KCNT2: variants seen among roughly 807,000 people sequenced by gnomAD.
The protein encoded by KCNT2 is potassium channel subfamily T member 2.
KCNT2 carries 67 observed loss-of-function variants against 153.8 expected under a neutral mutation model. That is an observed-to-expected ratio of 0.44 (90% CI 0.36 to 0.53). KCNT2 has a LOEUF of 0.53. Among genes scored for constraint, KCNT2 ranks in the 20% least tolerant of loss-of-function variants. The pLI, the probability that KCNT2 is intolerant of heterozygous loss-of-function variation, is 0.00. For missense variants in KCNT2, 975 were observed against 1,354.8 expected (o/e 0.72, Z 4.40); for synonymous variants, 500 against 458.8 (o/e 1.09, Z -1.15).
At chr1:196,431,273 G>A (rs1674125444) in intron 8 of KCNT2, among the ~76,000 whole-genome samples, 1 of 152,120 alleles carries the variant, frequency 6.6e-6, no homozygotes, top group African/African-American at 2.4e-5. Flanking sequence ...GAGAAATAGG[G>A]TGTTGCTATA....
intron 1 of KCNT2, among the ~76,000 whole-genome samples, chr1:196,523,970 T>G (rs1340718111): frequency 6.6e-6 from 1 of 152,190 alleles, no homozygotes; most frequent in African/African-American, 2.4e-5. Context: ...CCTCCTTTTT[T>G]CTCTTGCACC....
At chr1:196,596,581 T>C (rs1664110929) in intron 1 of KCNT2, among the ~76,000 whole-genome samples, 1 of 152,144 alleles carries the variant, frequency 6.6e-6, no homozygotes, top group Admixed American at 6.5e-5. Flanking sequence ...GGATTATTTG[T>C]TTTTTAAAAA....
chr1:196,574,830 T>A, intron 1 of KCNT2, among the ~76,000 whole-genome samples: 1 of 151,860 alleles, frequency 6.6e-6, no homozygotes, highest in East Asian at 1.9e-4. Flanking sequence ...ATAAGAAGGG[T>A]TTTTTCTTTT....
At chr1:196,339,277 A>G (rs1206911360) in intron 16 of KCNT2, among the ~76,000 whole-genome samples, 3 of 152,056 alleles carry the variant, frequency 2.0e-5, no homozygotes, top group Non-Finnish European at 2.9e-5. Context: ...TACTGTGAAG[A>G]CAATCATTTT....
At chr1:196,376,617 T>C (rs939726693) in intron 13 of KCNT2, among the ~76,000 whole-genome samples, 5 of 151,986 alleles carry the variant, frequency 3.3e-5, no homozygotes, top group Non-Finnish European at 5.9e-5. Flanking sequence ...TTGGTTTTCA[T>C]GTTTTCCAAC....
Position 196,305,316 on chromosome 1 carries a change from TCTGTGATAA to T in KCNT2, c.2504_2512del (p.Ile835_Glu838delinsLys). ...TCTCATGTTGGCGGGGTGAGTTAGC[TCTGTGATAA>T]TACTGAGACTGGAAAACAACCTACA... On this transcript the variant is annotated inframe_deletion, in exon 22 of 28. Transcript: ENST00000294725. 1 of 1,610,426 alleles carries T rather than the reference TCTGTGATAA, an allele frequency of 6.2e-7. No individual in the cohort carries two copies.
At chr1:196,338,701 T>C (rs939667065) in intron 16 of KCNT2, among the ~76,000 whole-genome samples, 2 of 151,244 alleles carry the variant, frequency 1.3e-5, no homozygotes, top group African/African-American at 4.9e-5. Flanking sequence ...AAGTGTAGAG[T>C]GGCAAGGCTG....
intron 14 of KCNT2, among the ~76,000 whole-genome samples, chr1:196,354,692 A>G (rs1300726274): frequency 6.6e-6 from 1 of 151,766 alleles, no homozygotes; most frequent in Non-Finnish European, 1.5e-5. Flanking sequence ...TTAATTCACT[A>G]TATTGATTGC....
intron 1 of KCNT2, among the ~76,000 whole-genome samples, chr1:196,562,119 A>T (rs1659491328): frequency 6.6e-6 from 1 of 152,004 alleles, no homozygotes; most frequent in African/African-American, 2.4e-5. Context: ...AAAGACCTGG[A>T]AAGGGAATGG....
chr1:196,509,339 T>TA (rs1321803340), intron 1 of KCNT2, among the ~76,000 whole-genome samples: 7 of 150,870 alleles, frequency 4.6e-5, no homozygotes, highest in Admixed American at 1.3e-4. Context: ...AGACGAAGCT[T>TA]AAATATCCAC....
At chr1:196,356,404 A>T (rs891121032) in intron 14 of KCNT2, among the ~76,000 whole-genome samples, 4 of 151,766 alleles carry the variant, frequency 2.6e-5, no homozygotes, top group Non-Finnish European at 5.9e-5. Context: ...CATAGTATGG[A>T]TGCATATGAT....
chr1:196,596,485 T>C (rs1664098143), intron 1 of KCNT2, among the ~76,000 whole-genome samples: 1 of 152,186 alleles, frequency 6.6e-6, no homozygotes, highest in Admixed American at 6.5e-5. Context: ...TAATTAGTGA[T>C]GTTAAGCATT....
At chr1:196,550,185 T>C (rs1327775872) in intron 1 of KCNT2, among the ~76,000 whole-genome samples, 1 of 151,882 alleles carries the variant, frequency 6.6e-6, no homozygotes, top group Non-Finnish European at 1.5e-5. Context: ...CCCATATGCT[T>C]ATTATCAGTT....
intron 21 of KCNT2, among the ~76,000 whole-genome samples, chr1:196,306,998 A>T (rs1193114264): frequency 2.0e-5 from 3 of 152,012 alleles, no homozygotes; most frequent in Admixed American, 2.0e-4. Flanking sequence ...GATTCAGGTA[A>T]ATTGTAGTAA....
chr1:196,260,744 T>C (rs964443236), intron 25 of KCNT2, among the ~76,000 whole-genome samples: 1 of 151,912 alleles, frequency 6.6e-6, no homozygotes, highest in Non-Finnish European at 1.5e-5. Flanking sequence ...TTTATATGTA[T>C]AATATACACA....
At chr1:196,430,070 A>ATCG (rs1232302848) in intron 8 of KCNT2, among the ~76,000 whole-genome samples, 5 of 152,072 alleles carry the variant, frequency 3.3e-5, no homozygotes, top group African/African-American at 9.7e-5. Context: ...AACACAAGAA[A>ATCG]TCGCTACCTC....
chr1:196,391,835 C>T (rs1327032793), intron 13 of KCNT2, among the ~76,000 whole-genome samples: 9 of 151,280 alleles, frequency 5.9e-5, no homozygotes, highest in Admixed American at 5.3e-4. Context: ...ACTATCTATA[C>T]TGCTTTTCCA....
chr1:196,287,872 G>A (rs1659816798), intron 22 of KCNT2, among the ~76,000 whole-genome samples: 1 of 152,092 alleles, frequency 6.6e-6, no homozygotes, highest in African/African-American at 2.4e-5. Context: ...TTCCTTGTCT[G>A]CAAGAACTTA....
chr1:196,277,514 C>T (rs2147855390), intron 25 of KCNT2, among the ~76,000 whole-genome samples: 1 of 152,300 alleles, frequency 6.6e-6, no homozygotes, highest in Non-Finnish European at 1.5e-5. Flanking sequence ...CAGACCACTT[C>T]CATAGACTAA....
Sources: allele counts gnomAD v4.1 joint callset (sites outside exome capture counted in the v4.1 genomes callset), GRCh38; gene constraint gnomAD v4.1.1; transcripts MANE v1.5; gene names NCBI Gene and HGNC (gene_info 2026-07-23, HGNC 2026-07-21).